SNX1: variants seen among roughly 807,000 people sequenced by gnomAD.
The protein encoded by SNX1 is sorting nexin-1.
SNX1 carries 36 observed loss-of-function variants against 71.8 expected under a neutral mutation model. The observed-to-expected ratio is 0.50, with a 90% confidence interval of 0.38 to 0.66. The LOEUF (loss-of-function observed/expected upper bound fraction) is 0.66. SNX1 is among the 30% of genes least tolerant of loss of function. The pLI is 0.00. For missense variants in SNX1, 612 were observed against 646.7 expected, an observed-to-expected ratio of 0.95 and a Z score of 0.58; for synonymous variants, 254 against 240.7, an observed-to-expected ratio of 1.06 and a Z score of -0.51.
chr15:64,116,929 T>C (rs2081135702), intron 2 of SNX1, among the ~76,000 whole-genome samples: 1 of 152,258 alleles, frequency 6.6e-6, no homozygotes, highest in African/African-American at 2.4e-5. Flanking sequence ...AGCACTGTTT[T>C]TTAAACTGTT....
intron 10 of SNX1, chr15:64,131,484 C>G (rs1057331306): frequency 1.7e-6 from 1 of 572,180 alleles, no homozygotes; most frequent in Admixed American, 3.1e-5. Flanking sequence ...GCTGGTGCCT[C>G]TCCCTCCTGC....
intron 8 of SNX1, among the ~76,000 whole-genome samples, chr15:64,128,955 A>C (rs142042109): frequency 1.3e-5 from 2 of 152,120 alleles, no homozygotes; most frequent in Non-Finnish European, 2.9e-5. Flanking sequence ...CAAGTTTAGA[A>C]CTACTGCCAG....
At chr15:64,103,511 A>G (rs867632426) in intron 1 of SNX1, among the ~76,000 whole-genome samples, 26 of 152,328 alleles carry the variant, frequency 1.7e-4, no homozygotes, top group Admixed American at 7.2e-4. Context: ...TTAAGATTAT[A>G]TGGTAATTTC....
intron 14 of SNX1, among the ~76,000 whole-genome samples, chr15:64,137,210 AC>A (rs921459963): frequency 6.6e-6 from 1 of 152,168 alleles, no homozygotes; most frequent in Non-Finnish European, 1.5e-5. Context: ...TCGAGGAGCC[AC>A]CCCATGGTAC....
At position 64,134,101 on chromosome 15, in the gene SNX1, G is replaced by C. The variant is rs1416587774; in HGVS notation, c.1222-563G>C. Reference sequence around the variant, plus strand: ...TTATTTGGGTGTCAGTTTAAAGGCTGGGTCCTTAGGGTGGACTTCCCTGAC... The same window carrying C: ...TTATTTGGGTGTCAGTTTAAAGGCTCGGTCCTTAGGGTGGACTTCCCTGAC... On this transcript the variant is annotated intron_variant, in intron 11 of 14. Transcript: ENST00000559844. This position sits in a 1 kb window ranked among gnomAD's most constrained non-coding sequence, Gnocchi z 4.1. The C allele has an allele frequency of 6.6e-6, 1 of 152,232 alleles. No individual in the cohort carries two copies. Among genetic ancestry groups the C allele is most frequent in the Admixed American group, 6.5e-5 (1 of 15,276 alleles). 9.4% of individuals were successfully genotyped at this position (152,232 alleles called of 1,614,324 possible). A position where few individuals can be genotyped will look rare whatever the true frequency, so the allele number is the denominator to read the frequency against.
chr15:64,102,976 A>G (rs1462250318), intron 1 of SNX1, among the ~76,000 whole-genome samples: 1 of 151,978 alleles, frequency 6.6e-6, no homozygotes, highest in Non-Finnish European at 1.5e-5. Context: ...CACGTTGCCT[A>G]GGCTGGTCTC....
At chr15:64,098,818 A>C (rs1467659202) in intron 1 of SNX1, among the ~76,000 whole-genome samples, 2 of 152,158 alleles carry the variant, frequency 1.3e-5, no homozygotes, top group African/African-American at 4.8e-5. Context: ...CCTTTGCCTA[A>C]TTTCCAGCTA....
Position 64,124,147 on chromosome 15 carries a change from CATATATATATATATAT to C in SNX1, c.510+618_510+633del, listed in dbSNP as rs10523424. On this transcript the variant is annotated intron_variant, in intron 5 of 14. Coordinates refer to ENST00000559844, the MANE Select transcript of SNX1 (RefSeq NM_003099.5). ...TCATTTCCTTTATAAGAAATCTTTA[CATATATATATATATAT>C]ATATATATATATATATGACTGTTTT... 4.8e-4 allele frequency among the ~76,000 whole-genome samples: 50 copies of C among 105,250 alleles called. 3 individuals carry two copies. The highest frequency in any genetic ancestry group is 4.4e-3 in the South Asian group (10 of 2,280). The allele number at this position is 105,250 out of a possible 152,430, so 69.0% of individuals were successfully genotyped here.
At position 64,140,082 on chromosome 15, in the gene SNX1, T is replaced by C. The variant is rs987629866; in HGVS notation, c.*2464T>C. ...CATTTTAAATTTACGATTTCCTCTT[T>C]GTAATTTACAAGTAATTTGTGGGGA... On this transcript the variant is annotated 3_prime_UTR_variant, in exon 15 of 15. Transcript: ENST00000559844. 3 of 152,300 alleles carry C rather than the reference T, an allele frequency of 2.0e-5. No individual in the cohort carries two copies. The highest frequency in any genetic ancestry group is 1.3e-4 in the Admixed American group (2 of 15,290). The allele number at this position is 152,300 out of a possible 1,614,324, so 9.4% of individuals were successfully genotyped here. A position where few individuals can be genotyped will look rare whatever the true frequency, so the allele number is the denominator to read the frequency against.
At chr15:64,137,513 C>G in intron 14 of SNX1, 55 bp from the exon 15 acceptor site, 2 of 1,607,512 alleles carry the variant, frequency 1.2e-6, no homozygotes, top group Non-Finnish European at 1.7e-6. Flanking sequence ...CCCAGGCTGG[C>G]TTAGGCTCTG....
At position 64,126,110 on chromosome 15, in the gene SNX1, T is replaced by C; in HGVS notation, c.542T>C (p.Phe181Ser). The C allele has an allele frequency of 6.2e-7, 1 of 1,614,174 alleles. No individual in the cohort carries two copies. The highest frequency in any genetic ancestry group is 8.5e-7 in the Non-Finnish European group (1 of 1,180,018). Residue 181 changes from phenylalanine (F) to serine (S), a missense_variant, in exon 6 of 15, where the codon TTT becomes TCT. This residue lies in a region of SNX1 where 316 missense variants were observed against 284.9 expected (regional missense o/e 1.11). Coordinates refer to ENST00000559844, the MANE Select transcript of SNX1 (RefSeq NM_003099.5). ...TSLPLFRSKQFAVKRRFSDFL... is the reference protein window; with the variant it reads ...TSLPLFRSKQSAVKRRFSDFL... ...TTACCATTGTTCAGAAGCAAACAGT[T>C]TGCAGTAAAAAGAAGATTTAGTGAC...
chr15:64,104,999 C>G (rs189688020), intron 1 of SNX1, among the ~76,000 whole-genome samples: 372 of 151,756 alleles, frequency 2.5e-3, no homozygotes, highest in African/African-American at 8.7e-3. Flanking sequence ...CTTTGGGAGG[C>G]TGAGGTGGGT....
intron 4 of SNX1, among the ~76,000 whole-genome samples, chr15:64,120,974 G>A (rs2081191431): frequency 6.6e-6 from 1 of 152,186 alleles, no homozygotes; most frequent in Non-Finnish European, 1.5e-5. Context: ...GGACCAAAAA[G>A]GAAGTAGCTT....
rs749276936 is a variant in SNX1 at position 64,112,542 on chromosome 15, T to C, written c.160-31T>C. The C allele has an allele frequency of 2.7e-6, 4 of 1,476,124 alleles. No homozygotes were observed. The African/African-American group carries it at 5.6e-5, about 21-fold the overall frequency. 91.4% of individuals were successfully genotyped at this position (1,476,124 alleles called of 1,614,324 possible). On this transcript the variant is annotated intron_variant, in intron 1 of 14. Coordinates refer to ENST00000559844, the MANE Select transcript of SNX1 (RefSeq NM_003099.5). Reference sequence around the variant, plus strand: ...AAGTTGGGTTTGTTTTTCATGGTAATGTTTTATTCAGAGTATCTCTTTGTT... The same window carrying C: ...AAGTTGGGTTTGTTTTTCATGGTAACGTTTTATTCAGAGTATCTCTTTGTT...
Position 64,129,518 on chromosome 15 carries a change from G to A in SNX1, c.808-398G>A, listed in dbSNP as rs1378182261. Among the ~76,000 whole-genome samples, 2 of 152,182 alleles carry A rather than the reference G, an allele frequency of 1.3e-5. No homozygotes were observed. The highest frequency in any genetic ancestry group is 2.9e-5 in the Non-Finnish European group (2 of 68,034). On this transcript the variant is annotated intron_variant, in intron 8 of 14. Transcript: ENST00000559844. The surrounding 1 kb of genome is among the most constrained non-coding windows in gnomAD (Gnocchi z 4.4). ...AAAATTCGAACACAGCACGATTTCA[G>A]TGTCTTAAGACTTTTAAGTCTGGTT... is the stretch of plus-strand genomic sequence containing the variant.
chr15:64,115,677 C>G (rs981496622), intron 2 of SNX1: 1 of 253,848 alleles, frequency 3.9e-6, no homozygotes, highest in African/African-American at 2.4e-5. Flanking sequence ...GATCTTCCCA[C>G]CTCAACCTTC....
chr15:64,117,211 T>C (rs2140143668), intron 2 of SNX1, among the ~76,000 whole-genome samples: 1 of 152,324 alleles, frequency 6.6e-6, no homozygotes, highest in African/African-American at 2.4e-5. Context: ...GCCTCTTCTA[T>C]CATATTGGTG....
At chr15:64,099,061 C>A (rs332255) in intron 1 of SNX1, among the ~76,000 whole-genome samples, 140,803 of 152,188 alleles carry the variant, frequency 0.93, 66,051 homozygotes, top group East Asian at 1. Flanking sequence ...TAATCCAATA[C>A]ATGCTTTAGT....
chr15:64,117,264 T>G (rs2081139177), intron 2 of SNX1, among the ~76,000 whole-genome samples: 1 of 152,166 alleles, frequency 6.6e-6, no homozygotes, highest in African/African-American at 2.4e-5. Context: ...CAATTTTTTT[T>G]CTTTTTTGGA....
Sources: gnomAD v4.1 joint callset for allele counts (sites outside exome capture counted in the v4.1 genomes callset) on GRCh38, gnomAD v4.1.1 for gene constraint, gnomAD v4.1.1 regional missense constraint, Gnocchi (gnomAD v3.1) non-coding constraint, MANE v1.5 for transcripts, NCBI Gene and HGNC (gene_info 2026-07-23, HGNC 2026-07-21) for gene names.